The following FNDC3B variants were observed in gnomAD, a reference collection of about 807,000 sequenced individuals.
FNDC3B encodes the protein fibronectin type III domain-containing protein 3B.
In FNDC3B, 12 loss-of-function variants were observed where a neutral mutation model predicts 151.5. The ratio of observed to expected loss-of-function variants is 0.08; its 90% CI spans 0.05 to 0.13. The LOEUF (loss-of-function observed/expected upper bound fraction) is 0.13, where lower values mean the gene tolerates loss of function less well. FNDC3B is among the 10% of genes least tolerant of loss of function. The pLI is 1.00. For synonymous variants in FNDC3B, 528 were observed against 549.0 expected (o/e 0.96, Z 0.54); for missense variants, 1,214 against 1,505.3 (o/e 0.81, Z 3.20).
At chr3:172,280,020 TC>T (rs1729627999) in intron 6 of FNDC3B, among the ~76,000 whole-genome samples, 1 of 152,168 alleles carries the variant, frequency 6.6e-6, no homozygotes, top group African/African-American at 2.4e-5. Flanking sequence ...GTTCTAGCGA[TC>T]CTCCCACCTC....
chr3:172,058,122 C>A (rs1158710566), intron 1 of FNDC3B, among the ~76,000 whole-genome samples: 1 of 152,192 alleles, frequency 6.6e-6, no homozygotes, highest in Non-Finnish European at 1.5e-5. Flanking sequence ...GTTTTAACCA[C>A]ATGTTTGCAA....
At chr3:172,162,467 G>A (rs1249297037) in intron 3 of FNDC3B, among the ~76,000 whole-genome samples, 2 of 152,048 alleles carry the variant, frequency 1.3e-5, no homozygotes, top group Admixed American at 6.6e-5. Flanking sequence ...AAGTTTTTGG[G>A]TGAATATATA....
At chr3:172,267,065 G>C (rs909212519) in intron 6 of FNDC3B, among the ~76,000 whole-genome samples, 1 of 152,106 alleles carries the variant, frequency 6.6e-6, no homozygotes, top group African/African-American at 2.4e-5. Flanking sequence ...GCAGCAGCAA[G>C]TATCTGTCTC....
At chr3:172,105,795 C>A (rs1208469813) in intron 1 of FNDC3B, among the ~76,000 whole-genome samples, 2 of 152,106 alleles carry the variant, frequency 1.3e-5, no homozygotes, top group African/African-American at 4.8e-5. Context: ...AAACTTGACC[C>A]ACTATAGATT....
At chr3:172,220,908 A>G (rs918358462) in intron 3 of FNDC3B, among the ~76,000 whole-genome samples, 1 of 148,022 alleles carries the variant, frequency 6.8e-6, no homozygotes, top group Non-Finnish European at 1.5e-5. Flanking sequence ...TGGGCAATAT[A>G]GTGAGACTCT....
At chr3:172,200,677 A>G (rs192380441) in intron 3 of FNDC3B, among the ~76,000 whole-genome samples, 9 of 152,332 alleles carry the variant, frequency 5.9e-5, no homozygotes, top group Admixed American at 5.9e-4. Flanking sequence ...AATTTTGACA[A>G]GATATTTGCA....
intron 1 of FNDC3B, among the ~76,000 whole-genome samples, chr3:172,059,861 AG>A (rs1257989638): frequency 4.6e-5 from 7 of 152,170 alleles, no homozygotes; most frequent in Non-Finnish European, 7.4e-5. Flanking sequence ...AGGTAAATAG[AG>A]GGCATGTATT....
chr3:172,207,677 G>A (rs1202308687), intron 3 of FNDC3B, among the ~76,000 whole-genome samples: 1 of 152,244 alleles, frequency 6.6e-6, no homozygotes, highest in Non-Finnish European at 1.5e-5. Context: ...CCCAGTAGCA[G>A]TGGCTCACAC....
At chr3:172,069,044 T>A (rs536302182) in intron 1 of FNDC3B, among the ~76,000 whole-genome samples, 1 of 152,306 alleles carries the variant, frequency 6.6e-6, no homozygotes, top group South Asian at 2.1e-4. Context: ...AACTCCATAT[T>A]CCTTTGTAAA....
At chr3:172,101,942 T>C (rs1053065885) in intron 1 of FNDC3B, among the ~76,000 whole-genome samples, 18 of 152,200 alleles carry the variant, frequency 1.2e-4, no homozygotes, top group African/African-American at 4.3e-4. Context: ...AACTCAATTG[T>C]AGCCTTTGTG....
At chr3:172,302,100 T>C (rs1730939778) in intron 9 of FNDC3B, 1 of 152,218 alleles carries the variant, frequency 6.6e-6, no homozygotes, top group Non-Finnish European at 1.5e-5. Context: ...TTGTATTCCT[T>C]GTTACTTTTC....
intron 4 of FNDC3B, among the ~76,000 whole-genome samples, chr3:172,247,043 G>A (rs2108770217): frequency 6.6e-6 from 1 of 152,254 alleles, no homozygotes; most frequent in African/African-American, 2.4e-5. Context: ...CCCTGATGAT[G>A]ATGGAACTGT....
At chr3:172,294,248 G>A (rs1730479988) in intron 7 of FNDC3B, among the ~76,000 whole-genome samples, 1 of 152,230 alleles carries the variant, frequency 6.6e-6, no homozygotes, top group Non-Finnish European at 1.5e-5. Flanking sequence ...GAAGGGAAGT[G>A]TATTAGTCTG....
chr3:172,300,450 CTGT>C (rs935846338), intron 9 of FNDC3B, among the ~76,000 whole-genome samples: 1 of 141,612 alleles, frequency 7.1e-6, no homozygotes, highest in Non-Finnish European at 1.5e-5. Flanking sequence ...ACCATCCTGT[CTGT>C]TGTTCCATTT....
intron 8 of FNDC3B, among the ~76,000 whole-genome samples, chr3:172,296,601 G>T (rs1047366230): frequency 3.9e-5 from 6 of 152,110 alleles, no homozygotes; most frequent in Non-Finnish European, 7.3e-5. Flanking sequence ...AACACTCCAG[G>T]GATTCCCCAC....
intron 3 of FNDC3B, among the ~76,000 whole-genome samples, chr3:172,221,697 AAAAG>A (rs1369240607): frequency 1.3e-5 from 2 of 152,238 alleles, no homozygotes; most frequent in Non-Finnish European, 2.9e-5. Flanking sequence ...TTAAAAAAAA[AAAAG>A]AATGTCAAGG....
intron 9 of FNDC3B, among the ~76,000 whole-genome samples, chr3:172,305,996 T>G (rs1456816790): frequency 2.0e-5 from 3 of 152,246 alleles, no homozygotes; most frequent in Non-Finnish European, 2.9e-5. Context: ...TCAAATTTCA[T>G]GCTGTCCTCC....
At chr3:172,300,464 A>ATT (rs35029681) in intron 9 of FNDC3B, among the ~76,000 whole-genome samples, 2,080 of 150,958 alleles carry the variant, frequency 0.014, 26 homozygotes, top group African/African-American at 0.015. Flanking sequence ...TGTTCCATTT[A>ATT]TTTTTTTTTT....
At chr3:172,223,307 A>AT (rs777727395) in intron 3 of FNDC3B, among the ~76,000 whole-genome samples, 75 of 152,316 alleles carry the variant, frequency 4.9e-4, no homozygotes, top group African/African-American at 1.7e-3. Context: ...GCAATGGTTT[A>AT]TTTCAGAAAG....
Sources: gnomAD v4.1 joint callset for allele counts (sites outside exome capture counted in the v4.1 genomes callset) on GRCh38, gnomAD v4.1.1 for gene constraint, MANE v1.5 for transcripts, NCBI Gene and HGNC (gene_info 2026-07-23, HGNC 2026-07-21) for gene names.